The following PLCB4 variants were observed in gnomAD, a reference collection of about 807,000 sequenced individuals.
PLCB4 encodes 1-phosphatidylinositol 4,5-bisphosphate phosphodiesterase beta-4.
PLCB4 carries 77 observed loss-of-function variants against 178.8 expected under a neutral mutation model. That is an observed-to-expected ratio of 0.43 (90% CI 0.36 to 0.52). PLCB4 has a LOEUF of 0.52. Ranked by LOEUF, PLCB4 falls within the 20% of genes least tolerant of loss-of-function variation. The pLI, the probability that PLCB4 is intolerant of heterozygous loss-of-function variation, is 0.00. For synonymous variants in PLCB4, 496 were observed against 490.8 expected (o/e 1.01, Z -0.14); for missense variants, 1,024 against 1,453.4 (o/e 0.70, Z 4.80).
At chr20:9,237,308 C>T (rs1367464951) in intron 3 of PLCB4, among the ~76,000 whole-genome samples, 4 of 151,990 alleles carry the variant, frequency 2.6e-5, no homozygotes, top group Admixed American at 6.6e-5. Flanking sequence ...CCAACCCACA[C>T]CCCCATATAT....
chr20:9,383,562 C>T (rs566206418), intron 13 of PLCB4, among the ~76,000 whole-genome samples: 4 of 152,222 alleles, frequency 2.6e-5, no homozygotes, highest in Admixed American at 2.0e-4. Flanking sequence ...AAGGTGTGAT[C>T]GAAATGAAGG....
intron 1 of PLCB4, among the ~76,000 whole-genome samples, chr20:9,082,542 A>G (rs2090204246): frequency 6.6e-6 from 1 of 152,204 alleles, no homozygotes; most frequent in African/African-American, 2.4e-5. Flanking sequence ...TGTGTCGAAA[A>G]GTGCTAAGTA....
At chr20:9,469,588 G>C (rs1018836691) in intron 36 of PLCB4, among the ~76,000 whole-genome samples, 2 of 152,374 alleles carry the variant, frequency 1.3e-5, no homozygotes, top group Admixed American at 1.3e-4. Context: ...AAGGCCCAGG[G>C]CAGGCCCTAA....
At chr20:9,436,929 A>T (rs2041809311) in intron 29 of PLCB4, 73 bp from the exon 30 acceptor site, 1 of 1,414,970 alleles carries the variant, frequency 7.1e-7, no homozygotes, top group East Asian at 2.3e-5. Flanking sequence ...TGGATTCAGT[A>T]AAATAAAGAA....
intron 33 of PLCB4, among the ~76,000 whole-genome samples, chr20:9,454,016 A>G (rs1308370816): frequency 1.3e-5 from 2 of 152,172 alleles, no homozygotes; most frequent in Non-Finnish European, 2.9e-5. Context: ...CTCTGGGATC[A>G]CCTCCAAAAT....
chr20:9,437,565 A>C (rs2041853419), intron 30 of PLCB4, among the ~76,000 whole-genome samples: 1 of 152,178 alleles, frequency 6.6e-6, no homozygotes, highest in African/African-American at 2.4e-5. Context: ...TAGGGAAACA[A>C]CTGTGCTGGT....
At chr20:9,250,615 G>A (rs2094170561) in intron 3 of PLCB4, among the ~76,000 whole-genome samples, 1 of 152,190 alleles carries the variant, frequency 6.6e-6, no homozygotes, top group South Asian at 2.1e-4. Flanking sequence ...TGTAACGTAG[G>A]CAGGCATTAT....
chr20:9,400,855 G>A (rs1022267168), intron 19 of PLCB4, among the ~76,000 whole-genome samples: 3 of 152,048 alleles, frequency 2.0e-5, no homozygotes, highest in African/African-American at 4.8e-5. Context: ...ACTAGACCAC[G>A]CTCCAGGGAC....
At chr20:9,346,696 G>A (rs993070872) in intron 7 of PLCB4, among the ~76,000 whole-genome samples, 14 of 152,164 alleles carry the variant, frequency 9.2e-5, no homozygotes, top group Non-Finnish European at 1.5e-4. Context: ...TAAGCTGTCC[G>A]GAGTGCAGAG....
chr20:9,223,547 C>T (rs1483299132), intron 3 of PLCB4, among the ~76,000 whole-genome samples: 5 of 152,280 alleles, frequency 3.3e-5, no homozygotes, highest in Admixed American at 6.5e-5. Flanking sequence ...TATGGCTCAG[C>T]GTTTCTTCCT....
chr20:9,159,254 T>G (rs1229889558), intron 2 of PLCB4, among the ~76,000 whole-genome samples: 1 of 152,186 alleles, frequency 6.6e-6, no homozygotes, highest in Admixed American at 6.5e-5. Context: ...ATTGATCCTT[T>G]TTTTATCCTT....
At chr20:9,223,908 C>G (rs2093830697) in intron 3 of PLCB4, among the ~76,000 whole-genome samples, 1 of 152,158 alleles carries the variant, frequency 6.6e-6, no homozygotes, top group Non-Finnish European at 1.5e-5. Context: ...GAGTGTACAG[C>G]ATGGATAAGC....
intron 3 of PLCB4, among the ~76,000 whole-genome samples, chr20:9,278,614 G>T (rs1293284735): frequency 1.3e-5 from 2 of 151,976 alleles, no homozygotes; most frequent in Non-Finnish European, 2.9e-5. Flanking sequence ...CTATGCATGG[G>T]TTTCATCTGA....
At chr20:9,246,428 AGATTTGTTTTCTG>A (rs2094126829) in intron 3 of PLCB4, among the ~76,000 whole-genome samples, 1 of 152,222 alleles carries the variant, frequency 6.6e-6, no homozygotes, top group Non-Finnish European at 1.5e-5. Context: ...CAGCTATACC[AGATTTGTTTTCTG>A]ATGAAAAACA....
intron 7 of PLCB4, among the ~76,000 whole-genome samples, chr20:9,357,730 G>T (rs1342284229): frequency 6.6e-6 from 1 of 152,156 alleles, no homozygotes; most frequent in Non-Finnish European, 1.5e-5. Context: ...GAACTAGAAA[G>T]CTGCCACTGA....
chr20:9,459,734 C>A lies in PLCB4; in HGVS notation c.3172C>A (p.Gln1058Lys). The change falls in exon 35 of 40, where the codon CAG (glutamine) becomes AAG (lysine). Residue 1058 changes from glutamine (Q) to lysine (K), a missense_variant. Physicochemically the swap from Gln to Lys is moderately conservative, Grantham distance 53. Around this residue, in one of 7 missense-constraint regions of PLCB4, gnomAD observed 264 missense variants for 283.2 expected, o/e 0.93. Coordinates refer to ENST00000378473, the MANE Select transcript of PLCB4 (RefSeq NM_001377142.1). ...AATCCGAGACCTGCACCTCAGCCAG[C>A]AGTGTGAGCTGCTGAAAAAGCTACT... ...QEIRDLHLSQ[Q>K]CELLKKLLIN... is the part of the protein sequence containing the mutation. The A allele has an allele frequency of 6.2e-7, 1 of 1,612,722 alleles. No homozygotes were observed. Among genetic ancestry groups the A allele is most frequent in the Non-Finnish European group, 8.5e-7 (1 of 1,178,836 alleles).
At chr20:9,371,186 A>T (rs998271929) in intron 9 of PLCB4, 28 bp from the exon 10 acceptor site, 1 of 1,340,350 alleles carries the variant, frequency 7.5e-7, no homozygotes, top group Non-Finnish European at 1.1e-6. Context: ...AATAACTGGA[A>T]TGTGTGTTTC....
At chr20:9,183,264 C>T (rs1487148530) in intron 2 of PLCB4, among the ~76,000 whole-genome samples, 2 of 152,044 alleles carry the variant, frequency 1.3e-5, no homozygotes, top group South Asian at 2.1e-4. Context: ...GGGGTAACTC[C>T]AGATTGGGTC....
In PLCB4 at chr20:9,325,451, G is replaced by T. The variant is rs965398639; in HGVS notation, c.85-11675G>T. ...TCCTTCTGCACTCTGAGAGGTAGTT[G>T]TTGAATATTTTAGGAATAATTTCTT... On this transcript the variant is annotated intron_variant, in intron 4 of 39. Coordinates refer to ENST00000378473, the MANE Select transcript of PLCB4 (RefSeq NM_001377142.1). 2.6e-5 allele frequency among the ~76,000 whole-genome samples: 4 copies of T among 152,158 alleles called. 1 individual carries two copies. The highest frequency in any genetic ancestry group is 2.6e-4 in the Admixed American group (4 of 15,278).
Sources: allele counts gnomAD v4.1 joint callset (sites outside exome capture counted in the v4.1 genomes callset), GRCh38; gene constraint gnomAD v4.1.1; regional missense constraint gnomAD v4.1.1; transcripts MANE v1.5; gene names NCBI Gene and HGNC (gene_info 2026-07-23, HGNC 2026-07-21).